Variants in DGKI observed in about 807,000 individuals in gnomAD.
DGKI encodes DAG kinase iota.
Under a neutral mutation model 147.5 loss-of-function variants are expected in DGKI, and 55 were observed. The observed-to-expected ratio is 0.37, with a 90% CI of 0.30 to 0.47. DGKI has a LOEUF of 0.47. Ranked by LOEUF, DGKI falls within the 20% of genes least tolerant of loss-of-function variation. The pLI, the probability that DGKI is intolerant of heterozygous loss-of-function variation, is 1.00. For missense variants in DGKI, 1,007 were observed against 1,323.8 expected (o/e 0.76, Z 3.71); for synonymous variants, 469 against 477.1 (o/e 0.98, Z 0.22).
At chr7:137,526,305 C>T (rs994296522) in intron 20 of DGKI, among the ~76,000 whole-genome samples, 12 of 151,494 alleles carry the variant, frequency 7.9e-5, no homozygotes, top group Admixed American at 3.3e-4. Context: ...GTTCTAAACC[C>T]GGCTTCCATG....
At chr7:137,412,927 A>T (rs1037985748) in intron 28 of DGKI, among the ~76,000 whole-genome samples, 5 of 152,178 alleles carry the variant, frequency 3.3e-5, no homozygotes, top group African/African-American at 9.7e-5. Flanking sequence ...CCTTAGGGAA[A>T]AAAAAATATA....
At chr7:137,598,560 A>G (rs902652147) in intron 11 of DGKI, among the ~76,000 whole-genome samples, 1 of 152,192 alleles carries the variant, frequency 6.6e-6, no homozygotes, top group Non-Finnish European at 1.5e-5. Context: ...GCTTGAAATA[A>G]GATAATTTTG....
chr7:137,392,737 G>T (rs1677813489), intron 32 of DGKI, among the ~76,000 whole-genome samples: 1 of 152,144 alleles, frequency 6.6e-6, no homozygotes, highest in Non-Finnish European at 1.5e-5. Context: ...TAATAATGAG[G>T]TTGGAATTTC....
At position 137,381,284 on chromosome 7, in the gene DGKI, T is replaced by TTTCCCCC. The variant is rs1811053055; in HGVS notation, c.*9935_*9936insGGGGGAA. On this transcript the variant is annotated 3_prime_UTR_variant, in exon 33 of 33. Coordinates refer to ENST00000614521, the MANE Select transcript of DGKI (RefSeq NM_001321708.2). ...AAAAACTTCATTCTTCCCTTTCCCATCCCACCCCCCCCCCCCCACCCACCC... is the reference window on the plus strand; with the variant it reads ...AAAAACTTCATTCTTCCCTTTCCCATTTCCCCCCCCACCCCCCCCCCCCCACCCACCC... The TTTCCCCC allele has an allele frequency of 4.2e-4, 1 of 2,376 alleles. No homozygotes were observed. The highest frequency in any genetic ancestry group is 1.6e-3 in the African/African-American group (1 of 612). The allele number at this position is 2,376 out of a possible 1,614,324, so 0.1% of individuals were successfully genotyped here.
At chr7:137,782,406 G>A (rs1796545819) in intron 1 of DGKI, among the ~76,000 whole-genome samples, 2 of 152,056 alleles carry the variant, frequency 1.3e-5, no homozygotes, top group Admixed American at 1.3e-4. Flanking sequence ...CATTGGCCTG[G>A]GAACCACACC....
Position 137,421,093 on chromosome 7 carries a change from C to G in DGKI, c.2762-8886G>C, listed in dbSNP as rs191448305. Among the ~76,000 whole-genome samples, 457 of 152,050 alleles carry G rather than the reference C, an allele frequency of 3.0e-3. 2 individuals carry two copies. The highest frequency in any genetic ancestry group is 1.0e-2 in the African/African-American group (415 of 41,524). On this transcript the variant is annotated intron_variant, in intron 28 of 32. Coordinates refer to ENST00000614521, the MANE Select transcript of DGKI (RefSeq NM_001321708.2). ...ACTCTCCCAATCTCCTCCCCTTTTTCCTCCTTCAAACACTCACTGAATTCT... is the reference window on the plus strand; with the variant it reads ...ACTCTCCCAATCTCCTCCCCTTTTTGCTCCTTCAAACACTCACTGAATTCT...
intron 20 of DGKI, among the ~76,000 whole-genome samples, chr7:137,522,269 C>T (rs909391218): frequency 2.6e-5 from 4 of 152,026 alleles, no homozygotes; most frequent in Non-Finnish European, 5.9e-5. Flanking sequence ...GTGCTTGTTA[C>T]ATAATAAATT....
chr7:137,422,754 G>A (rs201014180), intron 28 of DGKI, among the ~76,000 whole-genome samples: 446 of 151,514 alleles, frequency 2.9e-3, no homozygotes, highest in Non-Finnish European at 4.5e-3. Flanking sequence ...ACAGGCGCCC[G>A]CCACCACACC....
intron 1 of DGKI, among the ~76,000 whole-genome samples, chr7:137,837,271 T>A (rs765263864): frequency 6.6e-6 from 1 of 152,208 alleles, no homozygotes; most frequent in Non-Finnish European, 1.5e-5. Context: ...TGATTAATAT[T>A]CACAGGTAGG....
At chr7:137,598,518 T>C (rs1191008144) in intron 11 of DGKI, among the ~76,000 whole-genome samples, 1 of 152,196 alleles carries the variant, frequency 6.6e-6, no homozygotes, top group South Asian at 2.1e-4. Context: ...AGTGGGAAGA[T>C]TGACTGATTT....
At position 137,846,534 on chromosome 7, in the gene DGKI, C is replaced by A. The variant is rs1798738481; in HGVS notation, c.329G>T (p.Gly110Val). ...AAALDEPAAA[G>V]QKEKDEALEE... The stretch of plus-strand genomic sequence containing the variant: ...CAGCGCTTCGTCCTTCTCCTTCTGG[C>A]CGGCGGCCGCGGGCTCGTCCAGGGC... Residue 110 changes from glycine (G) to valine (V), a missense_variant, in exon 1 of 33, where the codon GGC (glycine) becomes GTC (valine). Transcript: ENST00000614521. The surrounding 1 kb of genome is among the most constrained non-coding windows in gnomAD (Gnocchi z 4.0). 8 of 1,557,956 alleles carry A rather than the reference C, an allele frequency of 5.1e-6. No individual in the cohort carries two copies. In the East Asian group the frequency reaches 2.0e-4, roughly 39 times the overall value.
At chr7:137,665,485 G>T (rs1029041298) in intron 3 of DGKI, among the ~76,000 whole-genome samples, 7 of 152,288 alleles carry the variant, frequency 4.6e-5, no homozygotes, top group Admixed American at 3.9e-4. Context: ...ATTATGGTTG[G>T]AATTGCCTCT....
intron 4 of DGKI, among the ~76,000 whole-genome samples, chr7:137,655,386 G>A (rs930413216): frequency 1.3e-5 from 2 of 152,090 alleles, no homozygotes; most frequent in African/African-American, 4.8e-5. Flanking sequence ...TTTTAGTAGA[G>A]ACGGGGTTTC....
At chr7:137,511,314 G>A (rs1005287175) in intron 21 of DGKI, among the ~76,000 whole-genome samples, 130 of 152,220 alleles carry the variant, frequency 8.5e-4, no homozygotes, top group African/African-American at 3.0e-3. Context: ...CAGAAATTGA[G>A]GTGGCTTTAT....
intron 23 of DGKI, among the ~76,000 whole-genome samples, chr7:137,482,911 C>CT (rs1339274467): frequency 1.3e-5 from 2 of 152,048 alleles, no homozygotes; most frequent in Admixed American, 6.6e-5. Context: ...GGTGACACCT[C>CT]TGACACTCAT....
intron 1 of DGKI, among the ~76,000 whole-genome samples, chr7:137,779,778 G>A (rs1796464383): frequency 6.6e-6 from 1 of 152,158 alleles, no homozygotes; most frequent in Non-Finnish European, 1.5e-5. Flanking sequence ...ATAATAGAGT[G>A]GGGAGTGGGA....
chr7:137,819,484 G>A (rs1797833777), intron 1 of DGKI, among the ~76,000 whole-genome samples: 1 of 151,892 alleles, frequency 6.6e-6, no homozygotes. Flanking sequence ...CTAATTTTTT[G>A]TATTTTTAGT....
chr7:137,433,571 C>G (rs1813165384), intron 28 of DGKI, among the ~76,000 whole-genome samples: 1 of 152,202 alleles, frequency 6.6e-6, no homozygotes, highest in Non-Finnish European at 1.5e-5. Context: ...CTTGGTTTCA[C>G]TGGGTGTTAA....
intron 12 of DGKI, among the ~76,000 whole-genome samples, chr7:137,588,602 A>C (rs1220123946): frequency 6.7e-6 from 1 of 150,208 alleles, no homozygotes; most frequent in Non-Finnish European, 1.5e-5. Flanking sequence ...TCAGCCTCCC[A>C]AGTAGCCGGG....
Sources: gnomAD v4.1 joint callset for allele counts (sites outside exome capture counted in the v4.1 genomes callset) on GRCh38, gnomAD v4.1.1 for gene constraint, Gnocchi (gnomAD v3.1) non-coding constraint, MANE v1.5 for transcripts, NCBI Gene and HGNC (gene_info 2026-07-23, HGNC 2026-07-21) for gene names.